RYR2: variants seen among roughly 807,000 people sequenced by gnomAD.
The protein encoded by RYR2 is ryanodine receptor 2, also known as cardiac muscle ryanodine receptor-calcium release channel.
In RYR2, 227 loss-of-function variants were observed where a neutral mutation model predicts 601.1. That is an observed-to-expected ratio of 0.38 (90% CI 0.34 to 0.42). The LOEUF (loss-of-function observed/expected upper bound fraction) is 0.42, where lower values mean the gene tolerates loss of function less well. Ranked by LOEUF, RYR2 falls within the 10% of genes least tolerant of loss-of-function variation. The pLI, the probability that RYR2 is intolerant of heterozygous loss-of-function variation, is 1.00. For missense variants in RYR2, 4,646 were observed against 6,156.5 expected, an observed-to-expected ratio of 0.75 and a Z score of 8.21; for synonymous variants, 2,223 against 2,175.1, an observed-to-expected ratio of 1.02 and a Z score of -0.61.
chr1:237,570,130 A>G (rs1672517909), intron 29 of RYR2, among the ~76,000 whole-genome samples: 1 of 150,788 alleles, frequency 6.6e-6, no homozygotes. Flanking sequence ...AGGCAGGAGA[A>G]TTGCTCGAAC....
intron 1 of RYR2, among the ~76,000 whole-genome samples, chr1:237,115,982 T>C (rs1670034416): frequency 6.6e-6 from 1 of 152,140 alleles, no homozygotes; most frequent in South Asian, 2.1e-4. Context: ...TGTGGACCCA[T>C]AAGGAAAAAG....
chr1:237,473,463 A>ATTCTTTCTTTCTTTCTTTCTT (rs1661007341), intron 17 of RYR2, among the ~76,000 whole-genome samples: 1 of 100,236 alleles, frequency 1.0e-5, no homozygotes. Context: ...CTTTCTTTCT[A>ATTCTTTCTTTCTTTCTTTCTT]TCTATCTATC....
intron 51 of RYR2, among the ~76,000 whole-genome samples, chr1:237,653,401 TA>T: frequency 6.6e-6 from 1 of 152,290 alleles, no homozygotes; most frequent in East Asian, 1.9e-4. Context: ...TCCAAGATAT[TA>T]ATAACAATTC....
chr1:237,394,326 C>CT (rs1482023215), intron 10 of RYR2, among the ~76,000 whole-genome samples: 3 of 152,202 alleles, frequency 2.0e-5, no homozygotes. Context: ...CAAATCTGTG[C>CT]TGATTCATTT....
intron 1 of RYR2, among the ~76,000 whole-genome samples, chr1:237,138,975 A>G (rs1283021333): frequency 6.6e-6 from 1 of 152,226 alleles, no homozygotes; most frequent in African/African-American, 2.4e-5. Context: ...AACAGACTAG[A>G]TTTCCTTCAA....
Position 237,627,976 on chromosome 1 carries a change from C to T in RYR2, c.6336C>T (p.Ser2112=), listed in dbSNP as rs373777614. 37 of 1,613,740 alleles carry T rather than the reference C, an allele frequency of 2.3e-5. 1 individual carries two copies. Among genetic ancestry groups the T allele is most frequent in the Middle Eastern group, 1.6e-4 (1 of 6,084 alleles). ...AGACCTACACGATAAATGGTGTGTCCGTGGAGGACACCATCAACCTGCTGG... is the reference window on the plus strand; with the variant it reads ...AGACCTACACGATAAATGGTGTGTCTGTGGAGGACACCATCAACCTGCTGG... The part of the protein sequence containing the change: ...LPKTYTINGV[S]VEDTINLLAS... The change falls in exon 41 of 105, where the codon TCC becomes TCT. Residue 2112 remains serine, a synonymous_variant. Coordinates refer to ENST00000366574, the MANE Select transcript of RYR2 (RefSeq NM_001035.3).
chr1:237,462,068 C>T (rs1002774737), intron 16 of RYR2, among the ~76,000 whole-genome samples: 4 of 152,122 alleles, frequency 2.6e-5, no homozygotes, highest in Admixed American at 6.6e-5. Flanking sequence ...CTCAGATCTG[C>T]AGCAATAATT....
chr1:237,377,256 T>C, intron 7 of RYR2, 67 bp from the exon 8 acceptor site: 2 of 1,169,246 alleles, frequency 1.7e-6, no homozygotes, highest in Non-Finnish European at 2.4e-6. Context: ...TTGGGAATCA[T>C]TGGCAAAGAA....
chr1:237,654,751 T>TATA (rs1446884074), intron 52 of RYR2, among the ~76,000 whole-genome samples: 1 of 152,168 alleles, frequency 6.6e-6, no homozygotes, highest in African/African-American at 2.4e-5. Context: ...GCCAAAGAAA[T>TATA]TATATCCAAT....
chr1:237,741,536 A>G (rs943891255), intron 79 of RYR2, among the ~76,000 whole-genome samples: 2 of 152,140 alleles, frequency 1.3e-5, no homozygotes, highest in African/African-American at 4.8e-5. Context: ...TCACTATTAT[A>G]CTACAGACCA....
intron 1 of RYR2, among the ~76,000 whole-genome samples, chr1:237,203,818 C>A (rs1276428588): frequency 6.6e-6 from 1 of 152,144 alleles, no homozygotes; most frequent in East Asian, 1.9e-4. Flanking sequence ...ATATCTCCAT[C>A]CTCCTAGAAC....
chr1:237,625,825 C>G (rs761576649), intron 40 of RYR2, 21 bp downstream of exon 40: 27 of 1,610,526 alleles, frequency 1.7e-5, no homozygotes, highest in Non-Finnish European at 2.3e-5. Context: ...TGAGAGTGCA[C>G]TGGCAGAATG....
At chr1:237,341,957 G>T (rs561578530) in intron 3 of RYR2, among the ~76,000 whole-genome samples, 1 of 152,052 alleles carries the variant, frequency 6.6e-6, no homozygotes, top group Non-Finnish European at 1.5e-5. Flanking sequence ...TCCCCCTTTC[G>T]TTGTCCAAAG....
intron 80 of RYR2, among the ~76,000 whole-genome samples, chr1:237,745,652 C>T (rs1344216686): frequency 6.6e-6 from 1 of 152,092 alleles, no homozygotes; most frequent in Non-Finnish European, 1.5e-5. Flanking sequence ...TATTTAGACA[C>T]TAGGATTCAG....
chr1:237,057,303 A>T (rs1158235836), intron 1 of RYR2, among the ~76,000 whole-genome samples: 1 of 151,978 alleles, frequency 6.6e-6, no homozygotes, highest in African/African-American at 2.4e-5. Context: ...CTTCTGCCTC[A>T]GCCTCCCGAG....
At chr1:237,054,513 T>C (rs1360741359) in intron 1 of RYR2, among the ~76,000 whole-genome samples, 1 of 152,108 alleles carries the variant, frequency 6.6e-6, no homozygotes, top group Non-Finnish European at 1.5e-5. Flanking sequence ...CCTGAACTGT[T>C]GATTCTTGAT....
chr1:237,794,170 C>A (rs1658806245), intron 95 of RYR2, among the ~76,000 whole-genome samples, 173 bp downstream of exon 95: 1 of 152,094 alleles, frequency 6.6e-6, no homozygotes, highest in Non-Finnish European at 1.5e-5. Flanking sequence ...GGTGGATGTC[C>A]TCAATTTTTG....
At chr1:237,210,851 G>A (rs1682493872) in intron 1 of RYR2, among the ~76,000 whole-genome samples, 1 of 152,170 alleles carries the variant, frequency 6.6e-6, no homozygotes, top group African/African-American at 2.4e-5. Flanking sequence ...ATTCCTCAGG[G>A]ATTGATACCT....
At chr1:237,331,104 G>T (rs1696664432) in intron 3 of RYR2, 122 bp downstream of exon 3, 1 of 811,136 alleles carries the variant, frequency 1.2e-6, no homozygotes, top group Non-Finnish European at 2.1e-6. Flanking sequence ...CTTTCAGTTG[G>T]AATGTCCTTA....
Sources: gnomAD v4.1 joint callset for allele counts (sites outside exome capture counted in the v4.1 genomes callset) on GRCh38, gnomAD v4.1.1 for gene constraint, MANE v1.5 for transcripts, NCBI Gene and HGNC (gene_info 2026-07-23, HGNC 2026-07-21) for gene names.